GPATCH8: variants seen among roughly 807,000 people sequenced by gnomAD.
GPATCH8 encodes the protein G-patch domain containing 8.
A neutral mutation model predicts 118.3 loss-of-function variants in GPATCH8; 18 were observed. The ratio of observed to expected loss-of-function variants is 0.15; its 90% CI spans 0.11 to 0.23. The LOEUF (loss-of-function observed/expected upper bound fraction) is 0.23, where lower values mean the gene tolerates loss of function less well. Among genes scored for constraint, GPATCH8 ranks in the 10% least tolerant of loss-of-function variants. The pLI, the probability that GPATCH8 is intolerant of heterozygous loss-of-function variation, is 1.00. For synonymous variants in GPATCH8, 659 were observed against 684.7 expected, an observed-to-expected ratio of 0.96 and a Z score of 0.59; for missense variants, 1,631 against 1,873.8, an observed-to-expected ratio of 0.87 and a Z score of 2.39.
intron 1 of GPATCH8, among the ~76,000 whole-genome samples, chr17:44,483,105 G>A (rs188044557): frequency 2.7e-5 from 3 of 112,374 alleles, no homozygotes; most frequent in African/African-American, 7.0e-5. Context: ...GCAGTGAGCC[G>A]AGACAGCACC....
At chr17:44,459,193 C>T (rs2051453868) in intron 3 of GPATCH8, among the ~76,000 whole-genome samples, 1 of 152,116 alleles carries the variant, frequency 6.6e-6, no homozygotes, top group Admixed American at 6.6e-5. Context: ...CATCTAACAT[C>T]AAAAGCACAG....
intron 1 of GPATCH8, among the ~76,000 whole-genome samples, chr17:44,491,618 C>T (rs1969251022): frequency 6.6e-6 from 1 of 151,836 alleles, no homozygotes; most frequent in Non-Finnish European, 1.5e-5. Context: ...CTTTGGAAGG[C>T]AGGAAGATCA....
intron 2 of GPATCH8, among the ~76,000 whole-genome samples, chr17:44,471,579 G>A (rs1967280625): frequency 6.6e-6 from 1 of 152,120 alleles, no homozygotes; most frequent in Non-Finnish European, 1.5e-5. Flanking sequence ...CCACTTTTGA[G>A]TTGCATGCTG....
chr17:44,442,920 A>T (rs886613739), intron 3 of GPATCH8, among the ~76,000 whole-genome samples: 1 of 152,056 alleles, frequency 6.6e-6, no homozygotes, highest in Non-Finnish European at 1.5e-5. Flanking sequence ...TCTCCAAAAA[A>T]TTTTTCTTAA....
chr17:44,413,552 G>A lies in GPATCH8; in HGVS notation c.493-7501C>T, dbSNP rs565918686. On this transcript the variant is annotated intron_variant, in intron 6 of 7. Coordinates refer to ENST00000591680, the MANE Select transcript of GPATCH8 (RefSeq NM_001002909.4). ...GCTGGAGTGCAGTGGCGCGATCTTG[G>A]CTCACTGCAACCTCCCGAGTTCAAG... Among the ~76,000 whole-genome samples, 152 of 152,126 alleles carry A rather than the reference G, an allele frequency of 1.0e-3. 1 individual carries two copies. The highest frequency in any genetic ancestry group is 6.8e-3 in the Middle Eastern group (2 of 294).
At chr17:44,410,656 T>G (rs2049396365) in intron 6 of GPATCH8, among the ~76,000 whole-genome samples, 1 of 152,228 alleles carries the variant, frequency 6.6e-6, no homozygotes, top group African/African-American at 2.4e-5. Context: ...AAAAGGAGAC[T>G]GAACCCCACT....
At chr17:44,410,304 G>A (rs1441017513) in intron 6 of GPATCH8, among the ~76,000 whole-genome samples, 1 of 152,170 alleles carries the variant, frequency 6.6e-6, no homozygotes, top group South Asian at 2.1e-4. Flanking sequence ...AATTTCTTCA[G>A]GTGAGAATAG....
chr17:44,435,881 G>C (rs1025513706), intron 4 of GPATCH8, among the ~76,000 whole-genome samples: 6 of 149,918 alleles, frequency 4.0e-5, no homozygotes, highest in Admixed American at 4.0e-4. Context: ...AATTACCCGG[G>C]CATGGTGTCA....
chr17:44,424,996 C>T (rs930332436), intron 5 of GPATCH8, among the ~76,000 whole-genome samples: 4 of 147,572 alleles, frequency 2.7e-5, no homozygotes, highest in African/African-American at 7.3e-5. Flanking sequence ...CTGTGGGACT[C>T]TTACATGTGA....
chr17:44,402,386 C>T (rs930725517), intron 7 of GPATCH8, among the ~76,000 whole-genome samples: 3 of 148,184 alleles, frequency 2.0e-5, no homozygotes, highest in Admixed American at 2.0e-4. Flanking sequence ...CCCATCATTA[C>T]TATGTTTCTG....
intron 2 of GPATCH8, chr17:44,467,021 C>A (rs2144322157): frequency 1.8e-6 from 1 of 567,074 alleles, no homozygotes; most frequent in Non-Finnish European, 3.0e-6. Context: ...TGAATGCACT[C>A]AAATAAACAG....
chr17:44,422,547 T>C (rs1411337292), intron 6 of GPATCH8, among the ~76,000 whole-genome samples: 4 of 151,784 alleles, frequency 2.6e-5, no homozygotes, highest in African/African-American at 9.7e-5. Flanking sequence ...TGGAGTGCAG[T>C]GGTGCGATCT....
chr17:44,468,373 CTTTTTTTTTTTTTTT>C (rs869068538), intron 2 of GPATCH8, among the ~76,000 whole-genome samples: 6 of 100,014 alleles, frequency 6.0e-5, no homozygotes, highest in African/African-American at 2.2e-4. Context: ...TTCTTTGTTC[CTTTTTTTTTTTTTTT>C]TTTTTTTTTT....
chr17:44,420,629 C>T (rs556183692), intron 6 of GPATCH8, among the ~76,000 whole-genome samples: 1 of 152,256 alleles, frequency 6.6e-6, no homozygotes, highest in Non-Finnish European at 1.5e-5. Flanking sequence ...GGTGGGAGAG[C>T]TGAGGTAACA....
chr17:44,473,318 T>C (rs1428646193), intron 2 of GPATCH8: 2 of 152,004 alleles, frequency 1.3e-5, no homozygotes, highest in Non-Finnish European at 2.9e-5. Context: ...ACATTTTTTG[T>C]AGAGATGGGG....
Position 44,405,979 on chromosome 17 carries a change from G to GT in GPATCH8, c.564dup (p.Gln189ThrfsTer10), listed in dbSNP as rs2049206345. ...TGGAGCCGCCGAAGGGCTTTTTCCT[G>GT]TTTTTTCTCATCCTTGCGGGATCTT... On this transcript the variant is annotated frameshift_variant, in exon 7 of 8. Transcript: ENST00000591680. LOFTEE classifies it high-confidence loss of function. The GT allele has an allele frequency of 6.2e-7, 1 of 1,611,044 alleles. No homozygotes were observed. The highest frequency in any genetic ancestry group is 8.5e-7 in the Non-Finnish European group (1 of 1,177,186).
chr17:44,414,123 A>ATG (rs1441192090), intron 6 of GPATCH8, among the ~76,000 whole-genome samples: 1 of 32,468 alleles, frequency 3.1e-5, no homozygotes, highest in East Asian at 5.8e-4. Flanking sequence ...ATATGTATAT[A>ATG]TATGTGTATA....
At position 44,399,457 on chromosome 17, in the gene GPATCH8, A is replaced by G; in HGVS notation, c.2620T>C (p.Ser874Pro). 3.7e-6 allele frequency: 6 copies of G among 1,614,100 alleles called. No homozygotes were observed. The highest frequency in any genetic ancestry group is 5.1e-6 in the Non-Finnish European group (6 of 1,179,996). Residue 874 changes from serine to proline, a missense_variant, in exon 8 of 8, where the codon TCA becomes CCA. By Grantham distance (74) the Ser-to-Pro change is moderately conservative. Around this residue, in one of 8 missense-constraint regions of GPATCH8, gnomAD observed 922 missense variants for 879.7 expected, o/e 1.05. Transcript: ENST00000591680. The part of the protein sequence containing the change: ...RSSRRSYSSS[S>P]DASSDQSCYS... The stretch of plus-strand genomic sequence containing the variant: ...CAGCTCTGGTCTGAAGAGGCATCTG[A>G]GCTACTTGAGTAAGAACGCCGGGAG...
chr17:44,440,637 A>G (rs2050656738), intron 3 of GPATCH8, among the ~76,000 whole-genome samples: 1 of 152,202 alleles, frequency 6.6e-6, no homozygotes, highest in Non-Finnish European at 1.5e-5. Context: ...TCTCTTATAT[A>G]TGCAAGTCTT....
Sources: gnomAD v4.1 joint callset for allele counts (sites outside exome capture counted in the v4.1 genomes callset) on GRCh38, gnomAD v4.1.1 for gene constraint, gnomAD v4.1.1 regional missense constraint, MANE v1.5 for transcripts, NCBI Gene and HGNC (gene_info 2026-07-23, HGNC 2026-07-21) for gene names.